CCDC181: variants seen among roughly 807,000 people sequenced by gnomAD.
The protein encoded by CCDC181 is coiled-coil domain containing 181.
Under a neutral mutation model 58.7 loss-of-function variants are expected in CCDC181, and 35 were observed. That is an observed-to-expected ratio of 0.60 (90% CI 0.46 to 0.79). CCDC181 has a LOEUF of 0.79. Among genes scored for constraint, CCDC181 ranks in the 30% least tolerant of loss-of-function variants. CCDC181 has a pLI of 0.00. For missense variants in CCDC181, 517 were observed against 583.9 expected (o/e 0.89, Z 1.18); for synonymous variants, 183 against 197.5 (o/e 0.93, Z 0.62).
chr1:169,396,684 C>T (rs1315404418), intron 5 of CCDC181: 4 of 152,198 alleles, frequency 2.6e-5, no homozygotes, highest in Non-Finnish European at 5.9e-5. Context: ...GAAGCCACAT[C>T]TGTATTGTCA....
chr1:169,444,500 A>T (rs1444758339), intron 2 of CCDC181, among the ~76,000 whole-genome samples: 1 of 152,176 alleles, frequency 6.6e-6, no homozygotes, highest in Admixed American at 6.5e-5. Flanking sequence ...TCCTACAATG[A>T]CCTTAAACTT....
At chr1:169,438,609 A>C (rs1657119988) in intron 2 of CCDC181, among the ~76,000 whole-genome samples, 1 of 152,132 alleles carries the variant, frequency 6.6e-6, no homozygotes, top group Admixed American at 6.6e-5. Flanking sequence ...AGCACCCAAT[A>C]TCAACCTGAC....
chr1:169,456,699 T>C (rs1571523104), intron 2 of CCDC181, among the ~76,000 whole-genome samples: 1 of 152,318 alleles, frequency 6.6e-6, no homozygotes, highest in East Asian at 1.9e-4. Flanking sequence ...CTGAACTCTG[T>C]AGAGTTCCCA....
At chr1:169,399,873 A>G (rs1260768878) in intron 4 of CCDC181, among the ~76,000 whole-genome samples, 1 of 152,234 alleles carries the variant, frequency 6.6e-6, no homozygotes, top group Non-Finnish European at 1.5e-5. Context: ...GAGGAGTCAT[A>G]GCATCAAGCA....
intron 2 of CCDC181, among the ~76,000 whole-genome samples, chr1:169,424,094 G>A (rs919133326): frequency 1.3e-5 from 2 of 151,462 alleles, no homozygotes; most frequent in African/African-American, 2.4e-5. Flanking sequence ...ACTAACTTAT[G>A]TATATACATA....
chr1:169,415,113 C>T (rs761470925), intron 4 of CCDC181, among the ~76,000 whole-genome samples: 2 of 152,162 alleles, frequency 1.3e-5, no homozygotes, highest in Non-Finnish European at 2.9e-5. Flanking sequence ...TTACTATGTA[C>T]AAATACAGCA....
intron 2 of CCDC181, among the ~76,000 whole-genome samples, chr1:169,447,071 C>A (rs955975952): frequency 6.6e-6 from 1 of 152,074 alleles, no homozygotes; most frequent in African/African-American, 2.4e-5. Context: ...CCTGTATAGT[C>A]TGTGAACATA....
chr1:169,434,016 C>T (rs1014275759), intron 2 of CCDC181, among the ~76,000 whole-genome samples: 3 of 151,890 alleles, frequency 2.0e-5, no homozygotes, highest in Admixed American at 6.6e-5. Flanking sequence ...AGAAAATATT[C>T]GCAAATGATA....
chr1:169,434,458 G>T (rs1412313679), intron 2 of CCDC181, among the ~76,000 whole-genome samples: 2 of 151,714 alleles, frequency 1.3e-5, no homozygotes, highest in Admixed American at 1.3e-4. Context: ...TCACAAGCAG[G>T]ATCTTGAAAA....
chr1:169,401,885 G>A (rs950922638), intron 4 of CCDC181, among the ~76,000 whole-genome samples: 3 of 152,152 alleles, frequency 2.0e-5, no homozygotes, highest in African/African-American at 4.8e-5. Flanking sequence ...TGAACCCATC[G>A]CAAAGAAGCT....
chr1:169,399,987 G>T (rs1311635517), intron 4 of CCDC181, among the ~76,000 whole-genome samples: 1 of 152,188 alleles, frequency 6.6e-6, no homozygotes, highest in Non-Finnish European at 1.5e-5. Context: ...CATGTGGAGG[G>T]ATGCTCCAAG....
upstream of CCDC181, among the ~76,000 whole-genome samples, chr1:169,427,658 T>G (rs1405312343): frequency 1.3e-5 from 2 of 152,242 alleles, no homozygotes; most frequent in Admixed American, 6.5e-5. Flanking sequence ...ATTTCCCTCT[T>G]GTAGCTGTCT....
At position 169,421,805 on chromosome 1, in the gene CCDC181, C is replaced by G. The variant is rs1299441168; in HGVS notation, c.626G>C (p.Cys209Ser). 5 of 1,613,994 alleles carry G rather than the reference C, an allele frequency of 3.1e-6. No homozygotes were observed. The highest frequency in any genetic ancestry group is 4.2e-6 in the Non-Finnish European group (5 of 1,180,026). ...DVLLSLTNGS[C>S]EENKDRTILV... ...TATTGTCCTATCCTTGTTTTCTTCA[C>G]AGCTTCCATTAGTAAGTGACAGGAG... The change falls in exon 3 of 6, where the codon TGT becomes TCT. Residue 209 changes from cysteine to serine, a missense_variant. By Grantham distance (112) the Cys-to-Ser change is moderately radical. Transcript: ENST00000367806.
intron 4 of CCDC181, among the ~76,000 whole-genome samples, chr1:169,408,946 A>C (rs1357554570): frequency 6.6e-6 from 1 of 152,238 alleles, no homozygotes; most frequent in Non-Finnish European, 1.5e-5. Flanking sequence ...CTGCGCAAAA[A>C]GGCTGAAAAT....
At chr1:169,416,563 A>AT (rs1656223014) in intron 4 of CCDC181, among the ~76,000 whole-genome samples, 1 of 152,142 alleles carries the variant, frequency 6.6e-6, no homozygotes, top group Non-Finnish European at 1.5e-5. Flanking sequence ...GTATTTCCCC[A>AT]TTATAGTGTT....
At chr1:169,425,357 T>G (rs1035957346) in intron 1 of CCDC181, among the ~76,000 whole-genome samples, 1 of 152,144 alleles carries the variant, frequency 6.6e-6, no homozygotes, top group Non-Finnish European at 1.5e-5. Context: ...AACTTAATTA[T>G]TATTCAAAAA....
At chr1:169,460,488 T>C (rs890544888) in exon 1 of CCDC181, 3 of 152,300 alleles carry the variant, frequency 2.0e-5, no homozygotes, top group Non-Finnish European at 4.4e-5. Context: ...CGCCGCCGGC[T>C]AGCCGGTAAT....
In CCDC181 at chr1:169,421,241, T is replaced by G. The variant is rs1311833733; in HGVS notation, c.1068+122A>C. 1.1e-5 allele frequency: 8 copies of G among 707,682 alleles called. No homozygotes were observed. In the East Asian group the frequency reaches 2.2e-4, roughly 19 times the overall value. 43.8% of individuals were successfully genotyped at this position (707,682 alleles called of 1,614,324 possible). A position where few individuals can be genotyped will look rare whatever the true frequency, so the allele number is the denominator to read the frequency against. On this transcript the variant is annotated intron_variant, in intron 3 of 5. Coordinates refer to ENST00000367806, the MANE Select transcript of CCDC181 (RefSeq NM_001300969.2). ...TCTTAACACTTAATCAATCTAACAA[T>G]AGATAAATAAAGCAATCAAAAAAAG...
intron 1 of CCDC181, among the ~76,000 whole-genome samples, chr1:169,426,208 T>A (rs560575150): frequency 6.6e-5 from 10 of 152,274 alleles, no homozygotes; most frequent in Non-Finnish European, 1.0e-4. Context: ...CAAACTCTGG[T>A]TATCAAATCC....
Sources: gnomAD v4.1 joint callset for allele counts (sites outside exome capture counted in the v4.1 genomes callset) on GRCh38, gnomAD v4.1.1 for gene constraint, MANE v1.5 for transcripts, NCBI Gene and HGNC (gene_info 2026-07-23, HGNC 2026-07-21) for gene names.